Variants in SYNE2 observed in about 807,000 individuals in gnomAD.
SYNE2 encodes spectrin repeat containing nuclear envelope protein 2, also known as nesprin-2.
A neutral mutation model predicts 856.3 loss-of-function variants in SYNE2; 431 were observed. That is an observed-to-expected ratio of 0.50 (90% confidence interval 0.47 to 0.55). The LOEUF (loss-of-function observed/expected upper bound fraction) is 0.55. SYNE2 is among the 20% of genes least tolerant of loss of function. SYNE2 has a pLI of 0.00. For missense variants in SYNE2, 8,129 were observed against 8,023.2 expected (o/e 1.01, Z -0.50); for synonymous variants, 2,923 against 2,872.3 (o/e 1.02, Z -0.56).
chr14:63,769,473 T>A (rs12880341), intron 1 of SYNE2, among the ~76,000 whole-genome samples: 5 of 151,904 alleles, frequency 3.3e-5, no homozygotes, highest in Admixed American at 6.6e-5. Context: ...CGAGACCATC[T>A]TGGCTAACAT....
chr14:63,902,894 T>G (rs1040982594), intron 1 of SYNE2, among the ~76,000 whole-genome samples: 2 of 151,888 alleles, frequency 1.3e-5, no homozygotes, highest in Admixed American at 6.6e-5. Context: ...TGAAGGCTGG[T>G]TTCGAAGTCC....
chr14:64,063,023 A>C (rs1470654319), intron 50 of SYNE2, 128 bp downstream of exon 50: 2 of 1,089,414 alleles, frequency 1.8e-6, no homozygotes, highest in Non-Finnish European at 2.8e-6. Flanking sequence ...AATATCCATG[A>C]ATATTCCTCA....
chr14:64,071,031 A>G lies in SYNE2; in HGVS notation c.10697+121A>G, dbSNP rs1262469318. On this transcript the variant is annotated intron_variant, in intron 52 of 115. Transcript: ENST00000555002. ...ATAGAATTGAGGTGAGACAACACTG[A>G]TAGGTATAAAAAGGGATGGAACAGA... 14 of 1,001,852 alleles carry G rather than the reference A, an allele frequency of 1.4e-5. No homozygotes were observed. The Admixed American group carries it at 2.7e-4, about 19-fold the overall frequency. The allele number at this position is 1,001,852 out of a possible 1,614,324, so 62.1% of individuals were successfully genotyped here.
chr14:64,106,723 T>C (rs968614348), intron 64 of SYNE2, among the ~76,000 whole-genome samples: 8 of 152,242 alleles, frequency 5.3e-5, no homozygotes, highest in Non-Finnish European at 1.0e-4. Flanking sequence ...TATGGTATCT[T>C]TTGTGGTGCA....
chr14:63,904,717 C>CT (rs1297430951), intron 1 of SYNE2, among the ~76,000 whole-genome samples: 1 of 151,946 alleles, frequency 6.6e-6, no homozygotes, highest in Non-Finnish European at 1.5e-5. Context: ...AATATTAGGC[C>CT]TTTGTCAGTG....
At chr14:63,915,591 A>G (rs1192697640) in intron 2 of SYNE2, among the ~76,000 whole-genome samples, 1 of 152,224 alleles carries the variant, frequency 6.6e-6, no homozygotes, top group Non-Finnish European at 1.5e-5. Flanking sequence ...CAGTCCTACC[A>G]AGATGCTGAT....
At position 64,074,099 on chromosome 14, in the gene SYNE2, C is replaced by T; in HGVS notation, c.10829C>T (p.Ala3610Val). Residue 3610 changes from alanine (A) to valine (V), a missense_variant, in exon 53 of 116, where the codon GCA (alanine) becomes GTA (valine). Ala to Val is a moderately conservative substitution (Grantham distance 64). Coordinates refer to ENST00000555002, the MANE Select transcript of SYNE2 (RefSeq NM_182914.3). ...QQTTTSFQNM[A>V]FQDHPEKSEQ... Reference sequence around the variant, plus strand: ...ACCACAACTTCATTCCAAAATATGGCATTCCAGGATCACCCAGAAAAGTCA... The same window carrying T: ...ACCACAACTTCATTCCAAAATATGGTATTCCAGGATCACCCAGAAAAGTCA... 1 of 1,614,142 alleles carries T rather than the reference C, an allele frequency of 6.2e-7. No homozygotes were observed. The highest frequency in any genetic ancestry group is 2.2e-5 in the East Asian group (1 of 44,886).
At chr14:64,125,981 G>A (rs912957828) in intron 71 of SYNE2, among the ~76,000 whole-genome samples, 5 of 152,170 alleles carry the variant, frequency 3.3e-5, no homozygotes, top group Admixed American at 3.3e-4. Flanking sequence ...ACATTAGAAT[G>A]TGGAGGGTGG....
At chr14:63,831,448 G>A (rs1458850474) in intron 1 of SYNE2, among the ~76,000 whole-genome samples, 1 of 141,906 alleles carries the variant, frequency 7.0e-6, no homozygotes, top group Non-Finnish European at 1.6e-5. Flanking sequence ...CTTGATTTTT[G>A]TTTTAGCTTG....
In SYNE2 at chr14:64,223,314, T is replaced by C. The variant is rs1184258600; in HGVS notation, c.20316T>C (p.Ile6772=). 5 of 1,614,106 alleles carry C rather than the reference T, an allele frequency of 3.1e-6. No individual in the cohort carries two copies. The South Asian group carries it at 5.5e-5, about 18-fold the overall frequency. The change falls in exon 113 of 116, where the codon ATT becomes ATC. Residue 6772 remains isoleucine, a synonymous_variant. Transcript: ENST00000555002. The stretch of plus-strand genomic sequence containing the variant: ...AAGCTGAAGAAAAGGTGCATGTTAT[T>C]GAGAAGAAACTCAAACAGTTACGGG... The part of the protein sequence containing the change: ...CIEAEEKVHV[I]EKKLKQLREQ...
rs1180269063 is a variant in SYNE2 at position 64,188,667 on chromosome 14, G to A, written c.17830G>A (p.Ala5944Thr). The change falls in exon 98 of 116, where the codon GCG (alanine) becomes ACG (threonine). Residue 5944 changes from alanine (A) to threonine (T), a missense_variant. By Grantham distance (58) the Ala-to-Thr change is moderately conservative. Coordinates refer to ENST00000555002, the MANE Select transcript of SYNE2 (RefSeq NM_182914.3). ...GATGGAAAACAAAGTTCTACAGACA[G>A]CGGACATTAGTATTGAAGAAATGAT... ...VQMENKVLQT[A>T]DISIEEMIEK... 6.2e-7 allele frequency: 1 copy of A among 1,614,092 alleles called. No homozygotes were observed. The highest frequency in any genetic ancestry group is 1.3e-5 in the African/African-American group (1 of 74,922).
At chr14:64,098,451 A>G (rs2097694997) in intron 62 of SYNE2, 3 of 583,290 alleles carry the variant, frequency 5.1e-6, no homozygotes, top group African/African-American at 3.7e-5. Flanking sequence ...AGCCCTTTGC[A>G]GACTCAAGAA....
At chr14:63,911,995 T>G (rs190402511) in intron 2 of SYNE2, among the ~76,000 whole-genome samples, 43 of 152,286 alleles carry the variant, frequency 2.8e-4, no homozygotes, top group African/African-American at 9.9e-4. Context: ...CCTTTAATGA[T>G]GTATTTAGAG....
chr14:64,220,693 G>A, intron 111 of SYNE2, 56 bp downstream of exon 111: 1 of 1,588,024 alleles, frequency 6.3e-7, no homozygotes, highest in Admixed American at 1.7e-5. Flanking sequence ...CACGTGGTAG[G>A]AGCAGCAGAT....
intron 1 of SYNE2, among the ~76,000 whole-genome samples, chr14:63,842,827 G>T (rs562908678): frequency 3.9e-5 from 6 of 152,076 alleles, no homozygotes; most frequent in African/African-American, 1.4e-4. Context: ...AAGAACAAAG[G>T]ATCCTTTTTG....
At chr14:63,936,228 C>T (rs192153472) in intron 2 of SYNE2, among the ~76,000 whole-genome samples, 23 of 152,308 alleles carry the variant, frequency 1.5e-4, no homozygotes, top group Admixed American at 1.4e-3. Context: ...CTGGGCCAAG[C>T]TTTTCTAGGC....
intron 34 of SYNE2, among the ~76,000 whole-genome samples, chr14:64,019,007 A>G (rs1164527762): frequency 6.6e-6 from 1 of 152,200 alleles, no homozygotes; most frequent in African/African-American, 2.4e-5. Context: ...GTGGTGGCTG[A>G]CACCTGTAAT....
chr14:64,022,731 CTT>C lies in SYNE2; in HGVS notation c.5525-12_5525-11del. On this transcript the variant is annotated intron_variant, in intron 37 of 115. Transcript: ENST00000555002. ...TGAAGTCTTCCTTGAATGAATAGAGCTTTTTTTTTCCCCCTGCAGATCAATGC... is the reference window on the plus strand; with the variant it reads ...TGAAGTCTTCCTTGAATGAATAGAGCTTTTTTTCCCCCTGCAGATCAATGC... The C allele has an allele frequency of 7.7e-7, 1 of 1,293,532 alleles. No homozygotes were observed. Among genetic ancestry groups the C allele is most frequent in the Non-Finnish European group, 1.1e-6 (1 of 895,394 alleles). The allele number at this position is 1,293,532 out of a possible 1,614,324, so 80.1% of individuals were successfully genotyped here.
At chr14:64,126,253 G>A in intron 71 of SYNE2, 74 bp from the exon 72 acceptor site, 1 of 1,378,118 alleles carries the variant, frequency 7.3e-7, no homozygotes, top group Non-Finnish European at 1.0e-6. Flanking sequence ...AACTATAATG[G>A]AAACTAGGCA....
Sources: allele counts gnomAD v4.1 joint callset (sites outside exome capture counted in the v4.1 genomes callset), GRCh38; gene constraint gnomAD v4.1.1; transcripts MANE v1.5; gene names NCBI Gene and HGNC (gene_info 2026-07-23, HGNC 2026-07-21).